Variants in EPB41L3 observed in about 807,000 individuals in gnomAD.
EPB41L3 encodes band 4.1-like protein 3.
Under a neutral mutation model 127.1 loss-of-function variants are expected in EPB41L3, and 57 were observed. That is an observed-to-expected ratio of 0.45 (90% CI 0.36 to 0.56). The LOEUF is 0.56. EPB41L3 is among the 20% of genes least tolerant of loss of function. EPB41L3 has a pLI of 0.00. For synonymous variants in EPB41L3, 572 were observed against 549.5 expected, an observed-to-expected ratio of 1.04 and a Z score of -0.57; for missense variants, 1,273 against 1,372.2, an observed-to-expected ratio of 0.93 and a Z score of 1.14.
chr18:5,623,704 G>A (rs570418767), intron 1 of EPB41L3, among the ~76,000 whole-genome samples: 4 of 151,300 alleles, frequency 2.6e-5, no homozygotes, highest in Admixed American at 2.6e-4. Context: ...CTGGACTGCA[G>A]TGGTGCAATC....
intron 3 of EPB41L3, among the ~76,000 whole-genome samples, chr18:5,476,194 GA>G: frequency 6.6e-6 from 1 of 152,146 alleles, no homozygotes; most frequent in Non-Finnish European, 1.5e-5. Context: ...TCTTCACAAA[GA>G]TGTCAGCCGT....
At position 5,423,414 on chromosome 18, in the gene EPB41L3, T is replaced by C; in HGVS notation, c.1303A>G (p.Ser435Gly). The C allele has an allele frequency of 1.2e-6, 2 of 1,612,950 alleles. No homozygotes were observed. The highest frequency in any genetic ancestry group is 1.7e-6 in the Non-Finnish European group (2 of 1,179,082). ...RPAPYFERSS[S>G]KRYTMSRSLD... Reference sequence around the variant, plus strand: ...CTGCGAGACATGGTATAACGTTTGCTGGATGAGCGTTCAAAGTAAGGTGCT... The same window carrying C: ...CTGCGAGACATGGTATAACGTTTGCCGGATGAGCGTTCAAAGTAAGGTGCT... The change falls in exon 11 of 23, where the codon AGC (serine) becomes GGC (glycine). Residue 435 changes from serine to glycine, a missense_variant. By Grantham distance (56) the Ser-to-Gly change is moderately conservative. This residue lies in a region of EPB41L3 where 326 missense variants were observed against 440.2 expected (regional missense o/e 0.74). Coordinates refer to ENST00000341928, the MANE Select transcript of EPB41L3 (RefSeq NM_012307.5).
chr18:5,397,262 A>G lies in EPB41L3; in HGVS notation c.2637T>C (p.Asp879=), dbSNP rs199769741. 335 of 1,614,098 alleles carry G rather than the reference A, an allele frequency of 2.1e-4. 3 individuals carry two copies. The East Asian group carries it at 7.4e-3, about 36-fold the overall frequency. Residue 879 remains aspartate, a synonymous_variant, in exon 18 of 23, where the codon GAT becomes GAC. Coordinates refer to ENST00000341928, the MANE Select transcript of EPB41L3 (RefSeq NM_012307.5). This position sits in a 1 kb window ranked among gnomAD's most constrained non-coding sequence, Gnocchi z 4.1. Reference sequence around the variant, plus strand: ...CTGTGAATGCGGGCTGTGCTGCAGCATCCCCGCTGTCTCCCGCCGAGTAAG... The same window carrying G: ...CTGTGAATGCGGGCTGTGCTGCAGCGTCCCCGCTGTCTCCCGCCGAGTAAG... ...DASYSAGDSG[D]AAAQPAFTGI...
chr18:5,397,300 T>G lies in EPB41L3; in HGVS notation c.2599A>C (p.Ser867Arg). ...LVEERRVVHASGDASYSAGDS... is the reference protein window; with the variant it reads ...LVEERRVVHARGDASYSAGDS... ...CCCGCCGAGTAAGAAGCATCCCCAC[T>G]CGCGTGCACCACACGCCGCTCCTCC... The change falls in exon 18 of 23, where the codon AGT becomes CGT. Residue 867 changes from serine (S) to arginine (R), a missense_variant. By Grantham distance (110) the Ser-to-Arg change is moderately radical. Coordinates refer to ENST00000341928, the MANE Select transcript of EPB41L3 (RefSeq NM_012307.5). This position sits in a 1 kb window ranked among gnomAD's most constrained non-coding sequence, Gnocchi z 4.1. 1 of 1,613,834 alleles carries G rather than the reference T, an allele frequency of 6.2e-7. No homozygotes were observed. Among genetic ancestry groups the G allele is most frequent in the Non-Finnish European group, 8.5e-7 (1 of 1,179,972 alleles).
upstream of EPB41L3, chr18:5,544,026 G>A: frequency 9.1e-6 from 9 of 985,596 alleles, no homozygotes; most frequent in Non-Finnish European, 1.1e-5. Context: ...GCAGCCCAGG[G>A]CTGCTCGCCG....
At chr18:5,472,675 C>A (rs1200868936) in intron 3 of EPB41L3, among the ~76,000 whole-genome samples, 1 of 152,246 alleles carries the variant, frequency 6.6e-6, no homozygotes, top group East Asian at 1.9e-4. Context: ...ATTCTATTTG[C>A]TCTCTGGTCA....
At chr18:5,605,797 G>C (rs925044412) in intron 3 of EPB41L3, among the ~76,000 whole-genome samples, 1 of 152,168 alleles carries the variant, frequency 6.6e-6, no homozygotes, top group Non-Finnish European at 1.5e-5. Flanking sequence ...ATGCGAAGTT[G>C]TGTGAGAAAG....
intron 3 of EPB41L3, among the ~76,000 whole-genome samples, chr18:5,551,744 T>C (rs1339310862): frequency 1.3e-5 from 2 of 152,190 alleles, no homozygotes; most frequent in Admixed American, 1.3e-4. Context: ...TTTAAGGCAC[T>C]GAAGTGAATT....
intron 3 of EPB41L3, chr18:5,466,420 T>C (rs1262292041): frequency 1.3e-5 from 2 of 152,326 alleles, no homozygotes; most frequent in East Asian, 1.9e-4. Flanking sequence ...TGCGTGTCAG[T>C]AGTTGTATGA....
At chr18:5,458,610 C>T (rs1032728821) in intron 3 of EPB41L3, among the ~76,000 whole-genome samples, 2 of 152,030 alleles carry the variant, frequency 1.3e-5, no homozygotes, top group Non-Finnish European at 2.9e-5. Context: ...TCCTGGATAA[C>T]TAGGAAAAAT....
chr18:5,603,166 C>A (rs1403716210), intron 3 of EPB41L3, among the ~76,000 whole-genome samples: 2 of 152,050 alleles, frequency 1.3e-5, no homozygotes, highest in African/African-American at 2.4e-5. Context: ...CTGTTATCAT[C>A]TGAGCAATAA....
intron 3 of EPB41L3, among the ~76,000 whole-genome samples, chr18:5,559,905 T>G (rs2094099614): frequency 6.6e-6 from 1 of 152,256 alleles, no homozygotes; most frequent in African/African-American, 2.4e-5. Context: ...TACTATGACC[T>G]TGGTTACTAC....
chr18:5,415,985 G>A lies in EPB41L3; in HGVS notation c.1900C>T (p.Pro634Ser). ...YLPIRSPSLV[P>S]CFLFIFFFLL... is the part of the protein sequence containing the mutation. ...AAGAAAAAGATGAAGAGGAAACAGG[G>A]CACAAGGGACGGTGAGCGGATCGGG... The change falls in exon 13 of 23, where the codon CCC (proline) becomes TCC (serine). Residue 634 changes from proline to serine, a missense_variant. Pro to Ser is a moderately conservative substitution (Grantham distance 74). Coordinates refer to ENST00000341928, the MANE Select transcript of EPB41L3 (RefSeq NM_012307.5). 6.2e-7 allele frequency: 1 copy of A among 1,614,154 alleles called. No individual in the cohort carries two copies. Among genetic ancestry groups the A allele is most frequent in the Middle Eastern group, 1.6e-4 (1 of 6,062 alleles).
intron 3 of EPB41L3, among the ~76,000 whole-genome samples, chr18:5,593,780 G>T (rs558493686): frequency 2.0e-5 from 3 of 152,116 alleles, no homozygotes; most frequent in Non-Finnish European, 4.4e-5. Flanking sequence ...CACCTTCAGG[G>T]GCGCATTCTC....
chr18:5,594,311 A>C (rs2094516384), intron 3 of EPB41L3, among the ~76,000 whole-genome samples: 1 of 152,212 alleles, frequency 6.6e-6, no homozygotes, highest in African/African-American at 2.4e-5. Flanking sequence ...ACACCCCCGC[A>C]AAATTTTAAA....
At chr18:5,442,766 C>T (rs960689158) in intron 5 of EPB41L3, among the ~76,000 whole-genome samples, 1 of 152,034 alleles carries the variant, frequency 6.6e-6, no homozygotes, top group Non-Finnish European at 1.5e-5. Context: ...TAAGAGCTAT[C>T]GGAAAGGGTA....
At chr18:5,617,419 C>T (rs1235103059) in intron 1 of EPB41L3, among the ~76,000 whole-genome samples, 3 of 151,710 alleles carry the variant, frequency 2.0e-5, no homozygotes, top group Non-Finnish European at 4.4e-5. Flanking sequence ...CCCAGGTTCA[C>T]GCCATTCTCC....
intron 1 of EPB41L3, among the ~76,000 whole-genome samples, chr18:5,531,001 T>C (rs999463194): frequency 6.6e-6 from 1 of 152,186 alleles, no homozygotes; most frequent in Non-Finnish European, 1.5e-5. Context: ...AGCAGAGCAT[T>C]AAGGAAATCA....
chr18:5,583,301 A>C (rs2094412279), intron 3 of EPB41L3, among the ~76,000 whole-genome samples: 1 of 152,156 alleles, frequency 6.6e-6, no homozygotes, highest in South Asian at 2.1e-4. Context: ...TGCATAGAGG[A>C]AGTCTGGAGA....
Sources: allele counts gnomAD v4.1 joint callset (sites outside exome capture counted in the v4.1 genomes callset), GRCh38; gene constraint gnomAD v4.1.1; regional missense constraint gnomAD v4.1.1; non-coding constraint Gnocchi (gnomAD v3.1); transcripts MANE v1.5; gene names NCBI Gene and HGNC (gene_info 2026-07-23, HGNC 2026-07-21).